Variants in SCFD2 observed in about 807,000 individuals in gnomAD.
SCFD2 encodes the protein sec1 family domain containing 2.
A neutral mutation model predicts 58.9 loss-of-function variants in SCFD2; 54 were observed. That is an observed-to-expected ratio of 0.92 (90% CI 0.74 to 1.15). The LOEUF (loss-of-function observed/expected upper bound fraction) is 1.15. Ranked by LOEUF, SCFD2 falls within the 50% of genes most tolerant of loss-of-function variation. SCFD2 has a pLI of 0.00. For missense variants in SCFD2, 805 were observed against 836.6 expected, an observed-to-expected ratio of 0.96 and a Z score of 0.47; for synonymous variants, 321 against 335.9, an observed-to-expected ratio of 0.96 and a Z score of 0.49.
chr4:53,330,483 T>A (rs940287328), intron 2 of SCFD2, among the ~76,000 whole-genome samples: 9 of 152,078 alleles, frequency 5.9e-5, no homozygotes, highest in Admixed American at 3.3e-4. Flanking sequence ...GAATTTCACA[T>A]CCAGCCAAAC....
In SCFD2 at chr4:53,158,292, T is replaced by C. The variant is rs532694227; in HGVS notation, c.1312-12710A>G. ...TTAATCTGCATAATAATATAACACG[T>C]AAATACATATCTCCAGCCAAATTTC... is the stretch of plus-strand genomic sequence containing the variant. On this transcript the variant is annotated intron_variant, in intron 4 of 8. Transcript: ENST00000401642. Among the ~76,000 whole-genome samples, 4 of 152,328 alleles carry C rather than the reference T, an allele frequency of 2.6e-5. No individual in the cohort carries two copies. The East Asian group carries it at 7.7e-4, about 29-fold the overall frequency.
intron 5 of SCFD2, among the ~76,000 whole-genome samples, chr4:53,124,420 T>C (rs547768571): frequency 1.3e-5 from 2 of 152,278 alleles, no homozygotes; most frequent in South Asian, 4.1e-4. Context: ...GTCCTTCTCT[T>C]GTGAAGTTAT....
chr4:53,363,119 C>T (rs6554096), intron 1 of SCFD2, among the ~76,000 whole-genome samples: 123,474 of 151,910 alleles, frequency 0.81, 50,317 homozygotes, highest in Middle Eastern at 0.85. Context: ...CTTTATTTTG[C>T]AAATCATTCT....
chr4:52,932,498 C>T (rs1158667980), intron 5 of SCFD2, among the ~76,000 whole-genome samples: 2 of 152,098 alleles, frequency 1.3e-5, no homozygotes, highest in African/African-American at 4.8e-5. Context: ...GACTCACTGA[C>T]CGTATTATAG....
intron 7 of SCFD2, among the ~76,000 whole-genome samples, chr4:52,889,158 C>G (rs1466922889): frequency 2.0e-5 from 3 of 152,224 alleles, no homozygotes; most frequent in Admixed American, 6.5e-5. Flanking sequence ...GCTGCTATAG[C>G]CTTCAAGTTT....
chr4:53,208,626 CA>C (rs1303156634), intron 4 of SCFD2, among the ~76,000 whole-genome samples: 1 of 152,174 alleles, frequency 6.6e-6, no homozygotes, highest in Non-Finnish European at 1.5e-5. Flanking sequence ...ACCATGGCAG[CA>C]AAGGCTAAGG....
At chr4:53,350,110 G>C (rs1352722594) in intron 2 of SCFD2, among the ~76,000 whole-genome samples, 1 of 152,200 alleles carries the variant, frequency 6.6e-6, no homozygotes, top group Non-Finnish European at 1.5e-5. Context: ...TCCTCTGTAA[G>C]TGTGTGCTAT....
intron 5 of SCFD2, among the ~76,000 whole-genome samples, chr4:53,014,908 C>T (rs980046375): frequency 2.6e-5 from 4 of 152,126 alleles, no homozygotes; most frequent in Non-Finnish European, 4.4e-5. Context: ...TTGTGAAAAA[C>T]GCATTAACTC....
intron 5 of SCFD2, among the ~76,000 whole-genome samples, chr4:53,082,896 C>T (rs1486955870): frequency 1.3e-5 from 2 of 152,054 alleles, no homozygotes; most frequent in Non-Finnish European, 2.9e-5. Context: ...TCATGGGCCT[C>T]CAGTTTAAGA....
chr4:53,097,056 T>C (rs997103178), intron 5 of SCFD2, among the ~76,000 whole-genome samples: 3 of 152,214 alleles, frequency 2.0e-5, no homozygotes, highest in African/African-American at 7.2e-5. Flanking sequence ...AGGGATCTGT[T>C]CTGTTCCATT....
chr4:53,269,589 A>T (rs1337002991), intron 4 of SCFD2, among the ~76,000 whole-genome samples: 1 of 152,132 alleles, frequency 6.6e-6, no homozygotes, highest in East Asian at 1.9e-4. Flanking sequence ...GGTCCAGGTT[A>T]TTTTTTGGAG....
chr4:53,279,598 A>G (rs1731443966), intron 3 of SCFD2, among the ~76,000 whole-genome samples: 1 of 152,238 alleles, frequency 6.6e-6, no homozygotes, highest in South Asian at 2.1e-4. Flanking sequence ...ATGTCAATAT[A>G]GTTTGTGATT....
At chr4:53,313,212 T>G (rs1444760310) in intron 3 of SCFD2, among the ~76,000 whole-genome samples, 1 of 152,186 alleles carries the variant, frequency 6.6e-6, no homozygotes, top group Non-Finnish European at 1.5e-5. Context: ...CATGTCTGAC[T>G]GCTCAATTCT....
intron 3 of SCFD2, among the ~76,000 whole-genome samples, chr4:53,277,990 T>C (rs1247975365): frequency 6.8e-6 from 1 of 146,164 alleles, no homozygotes; most frequent in Non-Finnish European, 1.5e-5. Flanking sequence ...GAGGCGGAGC[T>C]TGCAGTAAGC....
chr4:53,325,117 C>A (rs1362970388), intron 2 of SCFD2, among the ~76,000 whole-genome samples: 4 of 151,576 alleles, frequency 2.6e-5, no homozygotes, highest in African/African-American at 7.3e-5. Flanking sequence ...TTCCCTCTTA[C>A]TTTTGTTTCT....
chr4:52,927,470 T>C (rs1719890200), intron 5 of SCFD2, among the ~76,000 whole-genome samples: 1 of 152,238 alleles, frequency 6.6e-6, no homozygotes, highest in Admixed American at 6.5e-5. Flanking sequence ...AGATTTTAAA[T>C]TGTTTTCTTC....
intron 5 of SCFD2, among the ~76,000 whole-genome samples, chr4:52,935,210 T>C (rs1206075877): frequency 1.3e-5 from 2 of 152,244 alleles, no homozygotes; most frequent in Non-Finnish European, 2.9e-5. Context: ...GCTCAATAAA[T>C]AGTTGCTGAA....
chr4:53,180,987 G>C (rs1727532350), intron 4 of SCFD2, among the ~76,000 whole-genome samples: 1 of 152,090 alleles, frequency 6.6e-6, no homozygotes, highest in Admixed American at 6.5e-5. Flanking sequence ...ACCAATAACA[G>C]GCTCTGAAAT....
At chr4:53,217,830 C>T (rs986880901) in intron 4 of SCFD2, among the ~76,000 whole-genome samples, 1 of 152,250 alleles carries the variant, frequency 6.6e-6, no homozygotes, top group Middle Eastern at 3.4e-3. Flanking sequence ...TCTTTTAGGG[C>T]AGGCCTGGTG....
Sources: gnomAD v4.1 joint callset for allele counts (sites outside exome capture counted in the v4.1 genomes callset) on GRCh38, gnomAD v4.1.1 for gene constraint, MANE v1.5 for transcripts, NCBI Gene and HGNC (gene_info 2026-07-23, HGNC 2026-07-21) for gene names.